CSMD2: variants seen among roughly 807,000 people sequenced by gnomAD.
The protein encoded by CSMD2 is CUB and Sushi multiple domains 2.
In CSMD2, 130 loss-of-function variants were observed where a neutral mutation model predicts 398.5. The ratio of observed to expected loss-of-function variants is 0.33; its 90% CI spans 0.28 to 0.38. CSMD2 has a LOEUF of 0.38. Ranked by LOEUF, CSMD2 falls within the 10% of genes least tolerant of loss-of-function variation. The pLI, the probability that CSMD2 is intolerant of heterozygous loss-of-function variation, is 1.00. For missense variants in CSMD2, 3,829 were observed against 4,764.9 expected, an observed-to-expected ratio of 0.80 and a Z score of 5.78; for synonymous variants, 1,828 against 1,908.5, an observed-to-expected ratio of 0.96 and a Z score of 1.10.
intron 13 of CSMD2, among the ~76,000 whole-genome samples, chr1:33,752,804 T>C (rs475638): frequency 0.4 from 60,986 of 152,068 alleles, 14,013 homozygotes; most frequent in African/African-American, 0.63. Flanking sequence ...TAACAGGTCT[T>C]AGATGGAAAT....
At chr1:33,650,557 A>G (rs759394782) in intron 28 of CSMD2, among the ~76,000 whole-genome samples, 154 of 140,730 alleles carry the variant, frequency 1.1e-3, no homozygotes, top group Non-Finnish European at 1.2e-3. Flanking sequence ...GGGTGGGCTT[A>G]GGATGGGGTG....
chr1:33,644,250 G>A (rs745981889), intron 29 of CSMD2, among the ~76,000 whole-genome samples: 22 of 152,092 alleles, frequency 1.4e-4, no homozygotes, highest in Non-Finnish European at 2.6e-4. Context: ...TATGGCTCTC[G>A]GACCATGAAT....
intron 3 of CSMD2, among the ~76,000 whole-genome samples, chr1:34,027,602 T>C (rs945618180): frequency 2.6e-5 from 4 of 152,258 alleles, no homozygotes; most frequent in African/African-American, 9.6e-5. Context: ...AGAAGATGAC[T>C]GGTTAGATAA....
intron 12 of CSMD2, among the ~76,000 whole-genome samples, chr1:33,776,818 G>A (rs529908128): frequency 2.8e-4 from 42 of 152,196 alleles, no homozygotes; most frequent in African/African-American, 1.0e-3. Context: ...AGCAGGGGGC[G>A]ATGGGGGAAA....
At chr1:33,613,837 C>T (rs1049574533) in intron 40 of CSMD2, among the ~76,000 whole-genome samples, 2 of 152,134 alleles carry the variant, frequency 1.3e-5, no homozygotes, top group Non-Finnish European at 2.9e-5. Context: ...AATGATATTC[C>T]CAGTGCATAA....
intron 5 of CSMD2, among the ~76,000 whole-genome samples, chr1:33,883,787 C>T (rs12070637): frequency 0.13 from 19,740 of 152,112 alleles, 1,900 homozygotes; most frequent in African/African-American, 0.27. Context: ...TTTCTTTTGC[C>T]CACTCTCAGA....
chr1:33,606,784 A>T (rs1640643895), intron 41 of CSMD2, among the ~76,000 whole-genome samples: 2 of 152,224 alleles, frequency 1.3e-5, no homozygotes, highest in South Asian at 4.1e-4. Context: ...CCTCTCCTAC[A>T]GGAATCATCT....
rs551685874 is a variant in CSMD2 at position 33,753,868 on chromosome 1, T to C, written c.1847-10262A>G. 9.2e-5 allele frequency among the ~76,000 whole-genome samples: 14 copies of C among 152,380 alleles called. No individual in the cohort carries two copies. The East Asian group carries it at 2.3e-3, about 25-fold the overall frequency. Reference sequence around the variant, plus strand: ...GGTTTTAGAACTGTGTGGGGCCTGTTACCCCTTTCTTTTGGCCAGTTTCTC... The same window carrying C: ...GGTTTTAGAACTGTGTGGGGCCTGTCACCCCTTTCTTTTGGCCAGTTTCTC... On this transcript the variant is annotated intron_variant, in intron 13 of 70. Coordinates refer to ENST00000373381, the MANE Select transcript of CSMD2 (RefSeq NM_001281956.2).
intron 41 of CSMD2, among the ~76,000 whole-genome samples, chr1:33,609,127 G>A (rs1037458171): frequency 2.2e-4 from 33 of 152,234 alleles, no homozygotes; most frequent in African/African-American, 8.0e-4. Flanking sequence ...TAACACCAGT[G>A]AAGTGGCTCT....
intron 3 of CSMD2, among the ~76,000 whole-genome samples, chr1:33,943,770 C>G (rs1644752606): frequency 6.6e-6 from 1 of 151,990 alleles, no homozygotes; most frequent in African/African-American, 2.4e-5. Context: ...TCTCTGGACT[C>G]CTTGAGGGGC....
chr1:33,611,730 A>C (rs903809535), intron 40 of CSMD2, among the ~76,000 whole-genome samples: 7 of 152,238 alleles, frequency 4.6e-5, no homozygotes, highest in African/African-American at 1.7e-4. Context: ...CCTCTGTTCC[A>C]TAAAGAAGCC....
chr1:33,861,808 G>C (rs879320159), intron 5 of CSMD2, among the ~76,000 whole-genome samples: 17 of 152,296 alleles, frequency 1.1e-4, no homozygotes, highest in Admixed American at 1.1e-3. Context: ...TGTACTGGAA[G>C]GAGAGAGTCA....
At chr1:33,690,630 A>G (rs1319470694) in intron 25 of CSMD2, among the ~76,000 whole-genome samples, 1 of 152,218 alleles carries the variant, frequency 6.6e-6, no homozygotes, top group Non-Finnish European at 1.5e-5. Flanking sequence ...TGATTTGCAC[A>G]TGTGTATACT....
chr1:33,931,385 T>C (rs1369289930), intron 4 of CSMD2, among the ~76,000 whole-genome samples: 1 of 152,094 alleles, frequency 6.6e-6, no homozygotes, highest in Non-Finnish European at 1.5e-5. Context: ...GTTTGGGAAA[T>C]CACTTTTATA....
intron 44 of CSMD2, among the ~76,000 whole-genome samples, chr1:33,593,620 A>G (rs1639627404): frequency 6.6e-6 from 1 of 152,230 alleles, no homozygotes; most frequent in African/African-American, 2.4e-5. Context: ...TCTTCCCACA[A>G]CATGGGAATT....
chr1:34,025,039 T>C (rs1485012576), intron 3 of CSMD2, among the ~76,000 whole-genome samples: 1 of 152,154 alleles, frequency 6.6e-6, no homozygotes, highest in Non-Finnish European at 1.5e-5. Flanking sequence ...AGTGGCATGA[T>C]CACCTCCAAC....
chr1:33,585,146 T>G (rs534733775), intron 46 of CSMD2, among the ~76,000 whole-genome samples: 1 of 152,314 alleles, frequency 6.6e-6, no homozygotes, highest in African/African-American at 2.4e-5. Context: ...TTGACAATAG[T>G]TGTAAGTATT....
At chr1:33,576,840 G>T (rs549668348) in intron 49 of CSMD2, among the ~76,000 whole-genome samples, 2 of 149,078 alleles carry the variant, frequency 1.3e-5, no homozygotes, top group African/African-American at 5.0e-5. Context: ...TAGTTTGAAT[G>T]TATATTACTT....
Position 33,533,677 on chromosome 1 carries a change from G to T in CSMD2, c.9991+119C>A, listed in dbSNP as rs371814513. 4.5e-6 allele frequency: 3 copies of T among 673,050 alleles called. No individual in the cohort carries two copies. The highest frequency in any genetic ancestry group is 8.0e-6 in the Non-Finnish European group (3 of 374,252). 41.7% of individuals were successfully genotyped at this position (673,050 alleles called of 1,614,324 possible). On this transcript the variant is annotated intron_variant, in intron 63 of 70. Coordinates refer to ENST00000373381, the MANE Select transcript of CSMD2 (RefSeq NM_001281956.2). This position sits in a 1 kb window ranked among gnomAD's most constrained non-coding sequence, Gnocchi z 4.2. Reference sequence around the variant, plus strand: ...AAAGTGTAAGGACTACAAAGAGACCGATGTCGGTTCGCATGGGGAGTTGTG... The same window carrying T: ...AAAGTGTAAGGACTACAAAGAGACCTATGTCGGTTCGCATGGGGAGTTGTG...
Sources: gnomAD v4.1 joint callset for allele counts (sites outside exome capture counted in the v4.1 genomes callset) on GRCh38, gnomAD v4.1.1 for gene constraint, Gnocchi (gnomAD v3.1) non-coding constraint, MANE v1.5 for transcripts, NCBI Gene and HGNC (gene_info 2026-07-23, HGNC 2026-07-21) for gene names.